SLC10A2: variants seen among roughly 807,000 people sequenced by gnomAD.
SLC10A2 encodes solute carrier family 10 member 2, also known as ileal sodium/bile acid cotransporter.
In SLC10A2, 34 loss-of-function variants were observed where a neutral mutation model predicts 27.1. The ratio of observed to expected loss-of-function variants is 1.26; its 90% confidence interval spans 0.96 to 1.67. The LOEUF is 1.67. Ranked by LOEUF, SLC10A2 falls within the 40% of genes most tolerant of loss-of-function variation. SLC10A2 has a pLI of 0.00. For synonymous variants in SLC10A2, 205 were observed against 174.0 expected, an observed-to-expected ratio of 1.18 and a Z score of -1.40; for missense variants, 530 against 444.4, an observed-to-expected ratio of 1.19 and a Z score of -1.73.
At chr13:103,061,726 C>G (rs1039955756) in intron 1 of SLC10A2, among the ~76,000 whole-genome samples, 2 of 152,068 alleles carry the variant, frequency 1.3e-5, no homozygotes, top group African/African-American at 4.8e-5. Flanking sequence ...GTGAGCAGCA[C>G]TGACGAAGAG....
At chr13:103,054,031 A>G (rs80223863) in intron 2 of SLC10A2, among the ~76,000 whole-genome samples, 3,951 of 152,264 alleles carry the variant, frequency 0.026, 72 homozygotes, top group African/African-American at 0.039. Context: ...CCCATATCTC[A>G]TGTTGAATTA....
intron 2 of SLC10A2, among the ~76,000 whole-genome samples, chr13:103,055,717 A>C (rs1863442): frequency 0.41 from 61,843 of 151,788 alleles, 12,861 homozygotes; most frequent in African/African-American, 0.49. Flanking sequence ...TAGAAATAAT[A>C]ATTTCTTTTA....
At chr13:103,053,387 T>C (rs1006579519) in intron 2 of SLC10A2, among the ~76,000 whole-genome samples, 12 of 152,204 alleles carry the variant, frequency 7.9e-5, no homozygotes, top group Admixed American at 5.2e-4. Context: ...GTAATTATAG[T>C]TCTTTGCAGT....
At chr13:103,047,914 G>A (rs916686541) in intron 5 of SLC10A2, among the ~76,000 whole-genome samples, 4 of 151,898 alleles carry the variant, frequency 2.6e-5, no homozygotes, top group Non-Finnish European at 5.9e-5. Flanking sequence ...ATCAAACAAC[G>A]TTATTATACA....
chr13:103,049,791 C>T (rs1465348675), intron 4 of SLC10A2, among the ~76,000 whole-genome samples: 4 of 151,930 alleles, frequency 2.6e-5, no homozygotes, highest in Non-Finnish European at 5.9e-5. Context: ...AGGGCAGCAG[C>T]TCAGAAAATG....
Position 103,052,908 on chromosome 13 carries a change from T to G in SLC10A2, c.497-200A>C, listed in dbSNP as rs571766662. On this transcript the variant is annotated intron_variant, in intron 2 of 5. Transcript: ENST00000245312. ...TTCTTCACCCACTCCAGTAAATAAT[T>G]TAATATTATTGGTAGATAATTGATA... is the stretch of plus-strand genomic sequence containing the variant. Among the ~76,000 whole-genome samples, 43 of 152,266 alleles carry G rather than the reference T, an allele frequency of 2.8e-4. No individual in the cohort carries two copies. In the South Asian group the frequency reaches 8.3e-3, roughly 29 times the overall value.
chr13:103,051,529 T>G, intron 3 of SLC10A2, 97 bp from the exon 4 acceptor site: 1 of 1,307,966 alleles, frequency 7.6e-7, no homozygotes, highest in Non-Finnish European at 1.1e-6. Context: ...TCCTTGTCCC[T>G]GGGGGAAGTG....
intron 1 of SLC10A2, among the ~76,000 whole-genome samples, chr13:103,063,129 A>T (rs1722183398): frequency 1.3e-5 from 2 of 152,206 alleles, no homozygotes; most frequent in South Asian, 4.1e-4. Flanking sequence ...AATCAGATTC[A>T]CAAACTCCAG....
intron 4 of SLC10A2, among the ~76,000 whole-genome samples, chr13:103,050,812 T>C (rs1020239314): frequency 6.6e-6 from 1 of 152,152 alleles, no homozygotes; most frequent in Non-Finnish European, 1.5e-5. Flanking sequence ...CTGTTATGGA[T>C]TGATTATGTC....
intron 5 of SLC10A2, 71 bp downstream of exon 5, chr13:103,049,218 A>G: frequency 6.4e-7 from 1 of 1,561,828 alleles, no homozygotes; most frequent in Non-Finnish European, 8.8e-7. Flanking sequence ...GGAGTTTTAA[A>G]AAAATGTTGT....
In SLC10A2 at chr13:103,065,170, GT is replaced by G. The variant is rs371600262; in HGVS notation, c.377+702del. Among the ~76,000 whole-genome samples the G allele has an allele frequency of 7.9e-5, 12 of 151,810 alleles. 2 individuals carry two copies. Among genetic ancestry groups the G allele is most frequent in the African/African-American group, 1.2e-4 (5 of 41,394 alleles). On this transcript the variant is annotated intron_variant, in intron 1 of 5. Coordinates refer to ENST00000245312, the MANE Select transcript of SLC10A2 (RefSeq NM_000452.3). ...TTAATGCTTCATCTTATTTCTATTA[GT>G]TTTTTTTTCCAGTGCTAGTTCAGAC...
At chr13:103,059,404 T>A (rs1876035939) in intron 1 of SLC10A2, among the ~76,000 whole-genome samples, 1 of 152,012 alleles carries the variant, frequency 6.6e-6, no homozygotes, top group Non-Finnish European at 1.5e-5. Context: ...TGGGAGAAAA[T>A]TTTTATTTTC....
At chr13:103,054,251 C>T (rs537433137) in intron 2 of SLC10A2, among the ~76,000 whole-genome samples, 16 of 152,298 alleles carry the variant, frequency 1.1e-4, no homozygotes, top group Non-Finnish European at 2.2e-4. Flanking sequence ...GCTTCCCCTT[C>T]CCCTTCTGCC....
chr13:103,052,695 A>C lies in SLC10A2; in HGVS notation c.510T>G (p.Val170=). Residue 170 remains valine (V), a synonymous_variant, in exon 3 of 6, where the codon GTT becomes GTG. Coordinates refer to ENST00000245312, the MANE Select transcript of SLC10A2 (RefSeq NM_000452.3). ...CAATGGAAACAGGAACAACGAGAGA[A>C]ACCAGAGATGTACCTAAAGATGACA... The part of the protein sequence containing the change: ...IPYDNIGTSL[V]SLVVPVSIGM... 1.2e-6 allele frequency: 2 copies of C among 1,602,154 alleles called. No individual in the cohort carries two copies. Among genetic ancestry groups the C allele is most frequent in the South Asian group, 2.2e-5 (2 of 90,818 alleles).
Position 103,051,297 on chromosome 13 carries a change from C to A in SLC10A2, c.721G>T (p.Gly241Trp), listed in dbSNP as rs753750767. 10 of 1,613,876 alleles carry A rather than the reference C, an allele frequency of 6.2e-6. No individual in the cohort carries two copies. The highest frequency in any genetic ancestry group is 1.7e-5 in the Admixed American group (1 of 59,976). Reference sequence around the variant, plus strand: ...CCAGCAATTCTAGCCAGAAGAAACCCCAGGGAGTAACCCGCCACAGGAAAT... The same window carrying A: ...CCAGCAATTCTAGCCAGAAGAAACCACAGGGAGTAACCCGCCACAGGAAAT... Reference protein sequence around the residue: ...TIFPVAGYSLGFLLARIAGLP... With the variant: ...TIFPVAGYSLWFLLARIAGLP... Residue 241 changes from glycine (G) to tryptophan (W), a missense_variant, in exon 4 of 6, where the codon GGG becomes TGG. By Grantham distance (184) the Gly-to-Trp change is radical. Coordinates refer to ENST00000245312, the MANE Select transcript of SLC10A2 (RefSeq NM_000452.3).
rs140044686 is a variant in SLC10A2, at chr13:103,050,449, C to T, written c.761+808G>A. Among the ~76,000 whole-genome samples the T allele has an allele frequency of 5.0e-3, 762 of 152,268 alleles. 10 individuals are homozygous for T. The highest frequency in any genetic ancestry group is 0.04 in the Admixed American group (610 of 15,288). On this transcript the variant is annotated intron_variant, in intron 4 of 5. Transcript: ENST00000245312. Reference sequence around the variant, plus strand: ...TTAGTCAAAAAGAATTGTTTTTGCCCGGTACCAAATCCAGAAGTGTGAAAC... The same window carrying T: ...TTAGTCAAAAAGAATTGTTTTTGCCTGGTACCAAATCCAGAAGTGTGAAAC...
intron 2 of SLC10A2, among the ~76,000 whole-genome samples, chr13:103,057,644 T>G (rs1435271276): frequency 6.6e-6 from 1 of 152,166 alleles, no homozygotes; most frequent in Non-Finnish European, 1.5e-5. Flanking sequence ...TTTGGGAGGC[T>G]GAGGCCGGCA....
At chr13:103,050,704 C>T (rs755286761) in intron 4 of SLC10A2, among the ~76,000 whole-genome samples, 4 of 152,062 alleles carry the variant, frequency 2.6e-5, no homozygotes, top group South Asian at 2.1e-4. Context: ...TGCATGACTT[C>T]AGAATGAATG....
Position 103,052,725 on chromosome 13 carries a change from G to T in SLC10A2, c.497-17C>A, listed in dbSNP as rs201301725. The T allele has an allele frequency of 3.5e-5, 52 of 1,470,038 alleles. No individual in the cohort carries two copies. The highest frequency in any genetic ancestry group is 4.7e-5 in the Non-Finnish European group (49 of 1,048,964). The allele number at this position is 1,470,038 out of a possible 1,614,324, so 91.1% of individuals were successfully genotyped here. On this transcript the variant is annotated splice_polypyrimidine_tract_variant and intron_variant, in intron 2 of 5. Coordinates refer to ENST00000245312, the MANE Select transcript of SLC10A2 (RefSeq NM_000452.3). ...GAGATGTACCTAAAGATGACAGAAG[G>T]GCAATGTGATCAGCAGAACAGGTGA...
Sources: allele counts gnomAD v4.1 joint callset (sites outside exome capture counted in the v4.1 genomes callset), GRCh38; gene constraint gnomAD v4.1.1; transcripts MANE v1.5; gene names NCBI Gene and HGNC (gene_info 2026-07-23, HGNC 2026-07-21).